Variants in CBR4 observed in about 807,000 individuals in gnomAD.
CBR4 encodes 3-oxoacyl-[acyl-carrier-protein] reductase.
In CBR4, 22 loss-of-function variants were observed where a neutral mutation model predicts 21.0. The observed-to-expected ratio is 1.05, with a 90% confidence interval of 0.75 to 1.50. The LOEUF (loss-of-function observed/expected upper bound fraction) is 1.50. CBR4 is among the 40% of genes most tolerant of loss of function. The pLI is 0.00. For missense variants in CBR4, 302 were observed against 286.3 expected, an observed-to-expected ratio of 1.05 and a Z score of -0.40; for synonymous variants, 100 against 104.4, an observed-to-expected ratio of 0.96 and a Z score of 0.26.
chr4:169,003,273 A>G (rs1730618277), intron 3 of CBR4, among the ~76,000 whole-genome samples: 1 of 152,234 alleles, frequency 6.6e-6, no homozygotes, highest in South Asian at 2.1e-4. Context: ...AAATACCAAC[A>G]TTAACAGAAG....
intron 2 of CBR4, among the ~76,000 whole-genome samples, chr4:168,905,149 T>TG (rs1757397949): frequency 7.7e-6 from 1 of 130,146 alleles, no homozygotes; most frequent in Admixed American, 7.5e-5. Flanking sequence ...TTTTTTTTTT[T>TG]TTTTTTTTTT....
chr4:168,953,096 G>A (rs921879510), intron 2 of CBR4, among the ~76,000 whole-genome samples: 3 of 152,186 alleles, frequency 2.0e-5, no homozygotes, highest in Non-Finnish European at 4.4e-5. Flanking sequence ...TGCTGCAGCT[G>A]CTGTGGAGGA....
intron 2 of CBR4, among the ~76,000 whole-genome samples, chr4:168,909,286 G>GTA (rs1348219351): frequency 2.0e-5 from 3 of 152,152 alleles, no homozygotes; most frequent in African/African-American, 7.2e-5. Context: ...ACTGCATTAT[G>GTA]TATACAAGTG....
At chr4:168,968,937 C>A (rs1764124019) in intron 2 of CBR4, among the ~76,000 whole-genome samples, 1 of 152,206 alleles carries the variant, frequency 6.6e-6, no homozygotes. Flanking sequence ...GCTGATTATG[C>A]ATTCAGGAAG....
At position 169,006,878 on chromosome 4, in the gene CBR4, C is replaced by G. The variant is rs1366383775; in HGVS notation, c.277G>C (p.Val93Leu). 6.2e-7 allele frequency: 1 copy of G among 1,612,466 alleles called. No homozygotes were observed. The highest frequency in any genetic ancestry group is 2.2e-5 in the East Asian group (1 of 44,848). The change falls in exon 3 of 5, where the codon GTA becomes CTA. Residue 93 changes from valine to leucine, a missense_variant. Physicochemically the swap from Val to Leu is conservative, Grantham distance 32. Transcript: ENST00000306193. Reference protein sequence around the residue: ...AAGINRDGLLVRTKTEDMVSQ... With the variant: ...AAGINRDGLLLRTKTEDMVSQ... ...ACCATATCTTCAGTTTTTGTTCTTA[C>G]TAAAAGACCATCCCTACAAAAAGAA...
chr4:168,919,980 C>T (rs774889453), intron 2 of CBR4, among the ~76,000 whole-genome samples: 14 of 152,252 alleles, frequency 9.2e-5, no homozygotes, highest in Middle Eastern at 3.4e-3. Flanking sequence ...TGAGAGTACG[C>T]GTGCTTTGGG....
chr4:168,932,481 A>C (rs944847309), intron 2 of CBR4, among the ~76,000 whole-genome samples: 1 of 152,180 alleles, frequency 6.6e-6, no homozygotes, highest in Non-Finnish European at 1.5e-5. Context: ...CAGATGGAGA[A>C]GAGAAGGAAA....
At chr4:168,915,072 G>C (rs1759830372) in intron 2 of CBR4, among the ~76,000 whole-genome samples, 1 of 152,084 alleles carries the variant, frequency 6.6e-6, no homozygotes, top group Non-Finnish European at 1.5e-5. Flanking sequence ...TTATATCAGT[G>C]GGTCCTGGAA....
In CBR4 at chr4:168,910,274, A is replaced by G. The variant is rs1347062800; in HGVS notation, n.170-15509T>C. ...GAGGAAGAGGCAGGCTAAGCATATC[A>G]AGGATCTGTTTAGAGCTGAATAGGG... is the stretch of plus-strand genomic sequence containing the variant. On this transcript the variant is annotated intron_variant and non_coding_transcript_variant, in intron 2 of 3. Transcript: ENST00000509108. Among the ~76,000 whole-genome samples, 7 of 145,050 alleles carry G rather than the reference A, an allele frequency of 4.8e-5. No individual in the cohort carries two copies. In the Admixed American group the frequency reaches 5.0e-4, roughly 10 times the overall value.
chr4:168,994,907 A>C (rs1765115524), intron 4 of CBR4, among the ~76,000 whole-genome samples: 1 of 151,936 alleles, frequency 6.6e-6, no homozygotes, highest in Non-Finnish European at 1.5e-5. Context: ...CGCATGCATC[A>C]CCACACCAGG....
At chr4:168,907,336 G>A (rs1041726851) in intron 2 of CBR4, among the ~76,000 whole-genome samples, 6 of 152,170 alleles carry the variant, frequency 3.9e-5, no homozygotes, top group African/African-American at 1.4e-4. Flanking sequence ...CGTTCCCACA[G>A]TACTGTCAGA....
chr4:168,930,567 A>G (rs1300029524), intron 2 of CBR4, among the ~76,000 whole-genome samples: 1 of 152,212 alleles, frequency 6.6e-6, no homozygotes, highest in African/African-American at 2.4e-5. Flanking sequence ...CCTGGCATTC[A>G]TCCCCCCAAG....
At chr4:168,917,461 A>C (rs1392117282) in intron 2 of CBR4, among the ~76,000 whole-genome samples, 1 of 152,172 alleles carries the variant, frequency 6.6e-6, no homozygotes, top group Non-Finnish European at 1.5e-5. Context: ...CCATTTCTCA[A>C]AGGAGTTTAG....
intron 2 of CBR4, among the ~76,000 whole-genome samples, chr4:168,917,496 C>T (rs1035237809): frequency 6.6e-6 from 1 of 152,138 alleles, no homozygotes; most frequent in Non-Finnish European, 1.5e-5. Context: ...AGAAACACTG[C>T]TCTAAAATTT....
chr4:168,937,368 T>G (rs1384257995), intron 2 of CBR4, among the ~76,000 whole-genome samples: 1 of 152,064 alleles, frequency 6.6e-6, no homozygotes, highest in Admixed American at 6.5e-5. Context: ...TACCAAACTG[T>G]AAAGACCATC....
chr4:168,935,991 G>A (rs186436288), intron 2 of CBR4, among the ~76,000 whole-genome samples: 124 of 152,210 alleles, frequency 8.1e-4, no homozygotes, highest in African/African-American at 2.4e-3. Context: ...ACTGGGAGAC[G>A]CCTCCCAGCA....
Position 169,010,166 on chromosome 4 carries a change from C to T in CBR4, c.-77G>A. 2 of 1,145,116 alleles carry T rather than the reference C, an allele frequency of 1.7e-6. No homozygotes were observed. Among genetic ancestry groups the T allele is most frequent in the East Asian group, 3.0e-5 (1 of 32,882 alleles). The allele number at this position is 1,145,116 out of a possible 1,614,324, so 70.9% of individuals were successfully genotyped here. On this transcript the variant is annotated 5_prime_UTR_variant, in exon 1 of 5. Coordinates refer to ENST00000306193, the MANE Select transcript of CBR4 (RefSeq NM_032783.5). ...CAGGTTCCCTCAGGCTTTTAAACAA[C>T]CGCGGTTCCAAAAAAAAAAAAAAGA...
At chr4:168,921,215 G>A (rs1761418300) in intron 2 of CBR4, among the ~76,000 whole-genome samples, 1 of 151,840 alleles carries the variant, frequency 6.6e-6, no homozygotes, top group Non-Finnish European at 1.5e-5. Flanking sequence ...AGACCAGCCC[G>A]GCCAACATAG....
intron 3 of CBR4, 79 bp downstream of exon 3, chr4:169,006,676 A>T: frequency 2.4e-6 from 3 of 1,267,802 alleles, no homozygotes; most frequent in East Asian, 4.7e-5. Flanking sequence ...TTTCACAATA[A>T]ATCACAAATT....
Sources: allele counts gnomAD v4.1 joint callset (sites outside exome capture counted in the v4.1 genomes callset), GRCh38; gene constraint gnomAD v4.1.1; transcripts MANE v1.5; gene names NCBI Gene and HGNC (gene_info 2026-07-23, HGNC 2026-07-21).